Variants in SLF1 observed in about 807,000 individuals in gnomAD.
The protein encoded by SLF1 is SMC5/6 complex localization factor 1, also known as SMC5-SMC6 complex localization factor protein 1.
Under a neutral mutation model 123.0 loss-of-function variants are expected in SLF1, and 105 were observed. The ratio of observed to expected loss-of-function variants is 0.85; its 90% CI spans 0.73 to 1.00. The LOEUF (loss-of-function observed/expected upper bound fraction) is 1.00. Ranked by LOEUF, SLF1 falls within the 50% of genes least tolerant of loss-of-function variation. The probability of loss-of-function intolerance (pLI) is 0.00; values close to 1 mark genes in which losing one functional copy is unlikely to be tolerated. For synonymous variants in SLF1, 434 were observed against 406.6 expected, an observed-to-expected ratio of 1.07 and a Z score of -0.81; for missense variants, 1,239 against 1,223.0, an observed-to-expected ratio of 1.01 and a Z score of -0.20.
chr5:94,637,365 T>C (rs1489437505), intron 4 of SLF1, among the ~76,000 whole-genome samples: 2 of 152,156 alleles, frequency 1.3e-5, no homozygotes, highest in East Asian at 3.9e-4. Flanking sequence ...TTGTGCTGGC[T>C]GGGCTCTGCT....
At chr5:94,686,021 C>G (rs893394421) in intron 15 of SLF1, among the ~76,000 whole-genome samples, 1 of 151,628 alleles carries the variant, frequency 6.6e-6, no homozygotes, top group Admixed American at 6.6e-5. Flanking sequence ...TTCTTCTTTA[C>G]CTTGTGCGTT....
At chr5:94,656,717 G>A (rs1458609020) in intron 9 of SLF1, among the ~76,000 whole-genome samples, 1 of 151,722 alleles carries the variant, frequency 6.6e-6, no homozygotes, top group East Asian at 1.9e-4. Flanking sequence ...TAGGTTATAT[G>A]TGTCCAGGAA....
At chr5:94,641,469 A>G (rs1042173622) in intron 4 of SLF1, among the ~76,000 whole-genome samples, 2 of 152,152 alleles carry the variant, frequency 1.3e-5, no homozygotes, top group African/African-American at 4.8e-5. Context: ...AGCAGCAGAA[A>G]ACAACAAGAC....
At chr5:94,653,930 G>A (rs563262683) in intron 8 of SLF1, among the ~76,000 whole-genome samples, 2 of 152,090 alleles carry the variant, frequency 1.3e-5, no homozygotes, top group African/African-American at 4.8e-5. Context: ...CAGCACTCTG[G>A]GAGGCCAACG....
upstream of SLF1, chr5:94,618,413 C>G (rs1791175682): frequency 6.6e-6 from 1 of 152,524 alleles, no homozygotes; most frequent in African/African-American, 2.4e-5. Flanking sequence ...CTCGCCCACT[C>G]ACTTCTCGGG....
At chr5:94,618,654 G>A (rs966195054), upstream of SLF1, 1 of 154,628 alleles carries the variant, frequency 6.5e-6, no homozygotes, top group Non-Finnish European at 1.5e-5. Flanking sequence ...CCTAGCGCGC[G>A]GCGGGAAATT....
chr5:94,655,862 A>G (rs967767075), intron 9 of SLF1, among the ~76,000 whole-genome samples: 1 of 151,702 alleles, frequency 6.6e-6, no homozygotes, highest in Non-Finnish European at 1.5e-5. Flanking sequence ...TCAAGTCTTC[A>G]TGTTTTTCTA....
chr5:94,654,779 G>A, intron 9 of SLF1, 27 bp downstream of exon 9: 1 of 1,462,656 alleles, frequency 6.8e-7, no homozygotes, highest in Non-Finnish European at 9.1e-7. Context: ...GAAAAATTTT[G>A]TATAATATCG....
At chr5:94,654,270 ATTTTG>A (rs1748108645) in intron 8 of SLF1, among the ~76,000 whole-genome samples, 1 of 152,086 alleles carries the variant, frequency 6.6e-6, no homozygotes, top group Admixed American at 6.6e-5. Flanking sequence ...TAAGTAATGA[ATTTTG>A]TTTTGTATGA....
At chr5:94,682,589 TTTCAG>T (rs1338938259) in intron 15 of SLF1, among the ~76,000 whole-genome samples, 2 of 152,188 alleles carry the variant, frequency 1.3e-5, no homozygotes, top group Non-Finnish European at 2.9e-5. Flanking sequence ...ATCAAATTCA[TTTCAG>T]TTTAGTATAA....
intron 11 of SLF1, 53 bp downstream of exon 11, chr5:94,663,961 T>G: frequency 7.0e-7 from 1 of 1,425,100 alleles, no homozygotes; most frequent in Non-Finnish European, 9.3e-7. Flanking sequence ...TGTTAAAATG[T>G]GAACATTTTC....
chr5:94,661,542 T>G (rs1294178414), intron 9 of SLF1, among the ~76,000 whole-genome samples: 2 of 151,568 alleles, frequency 1.3e-5, no homozygotes, highest in African/African-American at 2.4e-5. Context: ...TTTTTTTGTT[T>G]TTTTTTTTTT....
chr5:94,666,884 A>G (rs1749818948), intron 12 of SLF1, among the ~76,000 whole-genome samples: 1 of 148,448 alleles, frequency 6.7e-6, no homozygotes, highest in South Asian at 2.2e-4. Flanking sequence ...GCCTCAAGTG[A>G]TCTGCCTGAC....
intron 15 of SLF1, among the ~76,000 whole-genome samples, chr5:94,685,299 T>C (rs1327345729): frequency 6.6e-6 from 1 of 152,252 alleles, no homozygotes; most frequent in Non-Finnish European, 1.5e-5. Flanking sequence ...TTAATGCTTA[T>C]AATTTTAATT....
intron 15 of SLF1, 79 bp downstream of exon 15, chr5:94,679,034 T>C: frequency 6.7e-7 from 1 of 1,497,244 alleles, no homozygotes; most frequent in South Asian, 1.3e-5. Context: ...GTCTGTAAGC[T>C]TTAACATATG....
intron 1 of SLF1, among the ~76,000 whole-genome samples, chr5:94,627,572 A>G (rs922643690): frequency 2.0e-4 from 27 of 137,744 alleles, no homozygotes; most frequent in African/African-American, 7.4e-4. Context: ...TACCTTGTAA[A>G]TGATGAAATT....
At chr5:94,679,640 A>G (rs575085466) in intron 15 of SLF1, among the ~76,000 whole-genome samples, 1 of 151,742 alleles carries the variant, frequency 6.6e-6, no homozygotes, top group Non-Finnish European at 1.5e-5. Context: ...TTTTTTCCCC[A>G]TTGAGTCTGG....
Position 94,643,279 on chromosome 5 carries a change from G to T in SLF1, c.438G>T (p.Leu146Phe), listed in dbSNP as rs769773494. ...DKRSDSLIRV[L>F]EAGKANVILP... ...CATTTACATTTTTATTTAGAGTTTT[G>T]GAGGCTGGAAAGGCAAATGTTATTT... The change falls in exon 5 of 21, where the codon TTG becomes TTT. Residue 146 changes from leucine to phenylalanine, a missense_variant. Physicochemically the swap from Leu to Phe is conservative, Grantham distance 22 (BLOSUM62 0). Transcript: ENST00000265140. The T allele has an allele frequency of 7.8e-6, 12 of 1,530,566 alleles. No individual in the cohort carries two copies. The highest frequency in any genetic ancestry group is 1.1e-5 in the Non-Finnish European group (12 of 1,138,242). The allele number at this position is 1,530,566 out of a possible 1,614,324, so 94.8% of individuals were successfully genotyped here.
At chr5:94,645,284 G>T (rs981204237) in intron 5 of SLF1, among the ~76,000 whole-genome samples, 4 of 152,220 alleles carry the variant, frequency 2.6e-5, no homozygotes, top group African/African-American at 9.7e-5. Context: ...TCGCCTTAGG[G>T]TGAAACCAGC....
Sources: gnomAD v4.1 joint callset for allele counts (sites outside exome capture counted in the v4.1 genomes callset) on GRCh38, gnomAD v4.1.1 for gene constraint, MANE v1.5 for transcripts, NCBI Gene and HGNC (gene_info 2026-07-23, HGNC 2026-07-21) for gene names.